The following SUN5 variants were observed in gnomAD, a reference collection of about 807,000 sequenced individuals.
SUN5 encodes SUN domain-containing protein 5.
A neutral mutation model predicts 53.7 loss-of-function variants in SUN5; 44 were observed. The observed-to-expected ratio is 0.82, with a 90% confidence interval of 0.64 to 1.05. SUN5 has a LOEUF of 1.05. Among genes scored for constraint, SUN5 ranks in the 50% least tolerant of loss-of-function variants. The pLI is 0.00. For missense variants in SUN5, 433 were observed against 483.8 expected (o/e 0.90, Z 0.98); for synonymous variants, 166 against 179.8 (o/e 0.92, Z 0.62).
chr20:32,996,200 A>T, intron 7 of SUN5, 124 bp downstream of exon 7: 1 of 900,178 alleles, frequency 1.1e-6, no homozygotes, highest in Non-Finnish European at 1.7e-6. Context: ...AAGGCATGGG[A>T]GTTAGGATTT....
At chr20:32,999,548 C>T (rs963988542) in intron 5 of SUN5, among the ~76,000 whole-genome samples, 3 of 152,142 alleles carry the variant, frequency 2.0e-5, no homozygotes, top group Non-Finnish European at 4.4e-5. Context: ...GCCGAGGTTG[C>T]GCCACTGCAC....
chr20:32,986,711 C>A (rs1184816435), intron 10 of SUN5, among the ~76,000 whole-genome samples: 1 of 152,130 alleles, frequency 6.6e-6, no homozygotes, highest in African/African-American at 2.4e-5. Flanking sequence ...TGGGAGAGGG[C>A]CCAGGAGGGG....
At chr20:33,002,951 A>C (rs755696742) in intron 1 of SUN5, 32 bp from the exon 2 acceptor site, 81 of 1,612,694 alleles carry the variant, frequency 5.0e-5, no homozygotes, top group Non-Finnish European at 6.4e-5. Context: ...GTCGCATTTT[A>C]CAATTATGAG....
chr20:32,991,861 G>C (rs1476671015), intron 8 of SUN5, among the ~76,000 whole-genome samples: 2 of 152,146 alleles, frequency 1.3e-5, no homozygotes, highest in African/African-American at 4.8e-5. Context: ...CTCCATTACA[G>C]CTTCAGTAAA....
Position 33,000,155 on chromosome 20 carries a change from G to C in SUN5, c.279-20C>G. ...TTGCATCTGGAAGGCAGGGAGTGGT[G>C]GTCAAGATCAGGTGGGCAAGGCCCT... On this transcript the variant is annotated intron_variant, in intron 4 of 12. Transcript: ENST00000356173. 7 of 1,593,050 alleles carry C rather than the reference G, an allele frequency of 4.4e-6. No individual in the cohort carries two copies. The highest frequency in any genetic ancestry group is 6.0e-6 in the Non-Finnish European group (7 of 1,171,298).
At chr20:32,986,010 T>G in intron 10 of SUN5, 107 bp from the exon 11 acceptor site, 1 of 1,321,342 alleles carries the variant, frequency 7.6e-7, no homozygotes, top group Non-Finnish European at 1.0e-6. Context: ...AGTCCTTTCT[T>G]GTCTCCAAAG....
intron 4 of SUN5, among the ~76,000 whole-genome samples, chr20:33,000,946 C>A (rs1483291473): frequency 1.3e-5 from 2 of 151,876 alleles, no homozygotes; most frequent in Non-Finnish European, 2.9e-5. Context: ...GCCTTGCTGG[C>A]CCAATGGGTC....
chr20:33,004,305 G>T lies in SUN5; in HGVS notation c.36C>A (p.Gly12=), dbSNP rs773002826. The stretch of plus-strand genomic sequence containing the variant: ...TGTGGGCCACATCTTCGAGTAGGGC[G>T]CCTGGGTCCCCAGGGCTCCTTGAGG... ...PRSSRSPGDP[G]ALLEDVAHNP... is the part of the protein sequence containing the mutation. Residue 12 remains glycine (G), a synonymous_variant, in exon 1 of 13, where the codon GGC becomes GGA. Transcript: ENST00000356173. 5.7e-6 allele frequency: 9 copies of T among 1,577,456 alleles called. No homozygotes were observed. In the South Asian group the frequency reaches 9.4e-5, roughly 16 times the overall value.
intron 10 of SUN5, 26 bp from the exon 11 acceptor site, chr20:32,985,929 A>C: frequency 1.2e-6 from 2 of 1,606,092 alleles, no homozygotes; most frequent in Non-Finnish European, 1.7e-6. Flanking sequence ...ACAATAAGGG[A>C]TATGCTGGGT....
chr20:32,995,824 G>A (rs1989833205), intron 7 of SUN5, 97 bp from the exon 8 acceptor site: 3 of 1,128,604 alleles, frequency 2.7e-6, no homozygotes, highest in East Asian at 4.7e-5. Context: ...CAAAGAATGA[G>A]TTTCAGATTT....
In SUN5 at chr20:32,995,610, G is replaced by C; in HGVS notation, c.534+9C>G. On this transcript the variant is annotated intron_variant, in intron 8 of 12. Coordinates refer to ENST00000356173, the MANE Select transcript of SUN5 (RefSeq NM_080675.4). ...TTAGATGTTTGGGGCAGAATGGCCA[G>C]CGTCTCACCTCATCGGACATGGCTT... 1.9e-6 allele frequency: 3 copies of C among 1,612,192 alleles called. No homozygotes were observed. Among genetic ancestry groups the C allele is most frequent in the Non-Finnish European group, 2.5e-6 (3 of 1,178,292 alleles).
chr20:32,985,877 C>T lies in SUN5; in HGVS notation c.756G>A (p.Trp252Ter). The T allele has an allele frequency of 6.2e-7, 1 of 1,613,960 alleles. No homozygotes were observed. Among genetic ancestry groups the T allele is most frequent in the Non-Finnish European group, 8.5e-7 (1 of 1,179,902 alleles). The change falls in exon 11 of 13, where the codon TGG (tryptophan) becomes TGA (stop). Residue 252 changes from tryptophan to a stop codon, truncating the protein, a stop_gained. Coordinates refer to ENST00000356173, the MANE Select transcript of SUN5 (RefSeq NM_080675.4). LOFTEE classifies it high-confidence loss of function. Reference sequence around the variant, plus strand: ...CCTGGCCGCGGTCACCCTCAAAGGCCCAGCAATTGCCAGGTGTCACGTTGG... The same window carrying T: ...CCTGGCCGCGGTCACCCTCAAAGGCTCAGCAATTGCCAGGTGTCACGTTGG... Reference protein sequence around the residue: ...LEPNVTPGNCWAFEGDRGQVT... With the variant: ...LEPNVTPGNC
At chr20:32,995,272 G>T (rs1244556935) in intron 8 of SUN5, among the ~76,000 whole-genome samples, 1 of 152,122 alleles carries the variant, frequency 6.6e-6, no homozygotes, top group Non-Finnish European at 1.5e-5. Flanking sequence ...ATAAAAAATA[G>T]ATCATACTCA....
intron 3 of SUN5, among the ~76,000 whole-genome samples, chr20:33,001,560 T>TTCTTTCTTTCTTTCTTTCTTTC (rs1990026593): frequency 1.4e-5 from 2 of 139,016 alleles, no homozygotes; most frequent in African/African-American, 6.6e-5. Flanking sequence ...CTTTCTTTCT[T>TTCTTTCTTTCTTTCTTTCTTTC]TCTTTTCTTC....
At chr20:32,995,986 C>A (rs1229604195) in intron 7 of SUN5, among the ~76,000 whole-genome samples, 1 of 152,094 alleles carries the variant, frequency 6.6e-6, no homozygotes, top group African/African-American at 2.4e-5. Flanking sequence ...AAGGATGCTG[C>A]CATCAGGTGG....
intron 8 of SUN5, among the ~76,000 whole-genome samples, chr20:32,993,109 G>A (rs1450174729): frequency 2.6e-5 from 4 of 152,160 alleles, no homozygotes; most frequent in Non-Finnish European, 5.9e-5. Flanking sequence ...AATTGTTCAG[G>A]AGCAGACATT....
At chr20:32,996,258 C>G in intron 7 of SUN5, 66 bp downstream of exon 7, 2 of 1,529,970 alleles carry the variant, frequency 1.3e-6, no homozygotes, top group Non-Finnish European at 1.8e-6. Context: ...AGCCAATACA[C>G]CCCAGATTCT....
At chr20:32,998,852 CA>C (rs141684056) in intron 5 of SUN5, among the ~76,000 whole-genome samples, 80 of 141,688 alleles carry the variant, frequency 5.6e-4, no homozygotes, top group African/African-American at 1.2e-3. Context: ...TCAATCTCTC[CA>C]AAAAAAAAAA....
rs185942521 is a variant in SUN5, at chr20:32,999,737, T to C, written c.340+337A>G. 2.1e-4 allele frequency: 125 copies of C among 586,064 alleles called. No homozygotes were observed. In the African/African-American group the frequency reaches 2.2e-3, roughly 10 times the overall value. 36.3% of individuals were successfully genotyped at this position (586,064 alleles called of 1,614,324 possible). A position where few individuals can be genotyped will look rare whatever the true frequency, so the allele number is the denominator to read the frequency against. On this transcript the variant is annotated intron_variant, in intron 5 of 12. Transcript: ENST00000356173. ...CAGCCTCCACTCCAAAGCCAGTATATGTCAGTGGAGGGAGGAGATTCCTTT... is the reference window on the plus strand; with the variant it reads ...CAGCCTCCACTCCAAAGCCAGTATACGTCAGTGGAGGGAGGAGATTCCTTT...
Sources: gnomAD v4.1 joint callset for allele counts (sites outside exome capture counted in the v4.1 genomes callset) on GRCh38, gnomAD v4.1.1 for gene constraint, MANE v1.5 for transcripts, NCBI Gene and HGNC (gene_info 2026-07-23, HGNC 2026-07-21) for gene names.